Variants in ZSCAN30 observed in about 807,000 individuals in gnomAD.
The protein encoded by ZSCAN30 is zinc finger and SCAN domain containing 30.
A neutral mutation model predicts 44.3 loss-of-function variants in ZSCAN30; 37 were observed. That is an observed-to-expected ratio of 0.84 (90% CI 0.64 to 1.10). The LOEUF (loss-of-function observed/expected upper bound fraction) is 1.10. ZSCAN30 is among the 50% of genes least tolerant of loss of function. ZSCAN30 has a pLI of 0.00. For synonymous variants in ZSCAN30, 181 were observed against 204.6 expected, an observed-to-expected ratio of 0.88 and a Z score of 0.98; for missense variants, 549 against 582.6, an observed-to-expected ratio of 0.94 and a Z score of 0.59.
intron 1 of ZSCAN30, 71 bp from the exon 2 acceptor site, chr18:35,264,526 GC>G: frequency 3.0e-6 from 2 of 675,688 alleles, no homozygotes; most frequent in Non-Finnish European, 4.8e-6. Flanking sequence ...GGTTTTTGAA[GC>G]CCAGTTGCCA....
intron 1 of ZSCAN30, chr18:35,282,923 A>G (rs992409365): frequency 8.5e-5 from 13 of 152,246 alleles, no homozygotes; most frequent in Non-Finnish European, 1.5e-4. Flanking sequence ...CAACAGCATT[A>G]TAAGAGTGCC....
intron 1 of ZSCAN30, among the ~76,000 whole-genome samples, chr18:35,266,092 C>G (rs769559323): frequency 1.3e-5 from 2 of 152,158 alleles, no homozygotes; most frequent in African/African-American, 2.4e-5. Flanking sequence ...CAAAATCAGC[C>G]ATGAAACATG....
chr18:35,271,619 C>T (rs912868583), intron 1 of ZSCAN30, among the ~76,000 whole-genome samples: 3 of 152,370 alleles, frequency 2.0e-5, no homozygotes, highest in Middle Eastern at 3.4e-3. Context: ...GGGCCGTGGG[C>T]GTAGCTGCCT....
At chr18:35,263,236 C>T (rs1282690732) in intron 3 of ZSCAN30, 16 of 355,170 alleles carry the variant, frequency 4.5e-5, no homozygotes, top group Non-Finnish European at 7.2e-5. Flanking sequence ...AGAGTGAGAC[C>T]CCATCTAAAA....
chr18:35,272,227 A>G (rs977358526), intron 1 of ZSCAN30, among the ~76,000 whole-genome samples: 4 of 152,070 alleles, frequency 2.6e-5, no homozygotes, highest in Admixed American at 6.5e-5. Flanking sequence ...ACAAGCTTTC[A>G]CCATGTTAGC....
chr18:35,257,953 A>G (rs759354688), intron 3 of ZSCAN30: 5 of 780,982 alleles, frequency 6.4e-6, no homozygotes, highest in South Asian at 4.0e-5. Context: ...CACATCGTCA[A>G]TAAATCACCT....
chr18:35,264,462 GTGGACAATGC>G lies in ZSCAN30; in HGVS notation c.-103-17_-103-8del. On this transcript the variant is annotated splice_polypyrimidine_tract_variant and splice_region_variant and intron_variant, in intron 1 of 3. Transcript: ENST00000333206. Reference sequence around the variant, plus strand: ...CCAACTCCCCAGGACGCTCCTGAGGGTGGACAATGCTCATGTTACACAGGGAAAATAATGT... The same window carrying G: ...CCAACTCCCCAGGACGCTCCTGAGGGTCATGTTACACAGGGAAAATAATGT... 9.0e-7 allele frequency: 1 copy of G among 1,112,356 alleles called. No homozygotes were observed. The highest frequency in any genetic ancestry group is 1.3e-6 in the Non-Finnish European group (1 of 790,958). 68.9% of individuals were successfully genotyped at this position (1,112,356 alleles called of 1,614,324 possible).
chr18:35,280,275 CAAAAA>C (rs34002141), intron 1 of ZSCAN30, among the ~76,000 whole-genome samples: 3 of 122,400 alleles, frequency 2.5e-5, no homozygotes, highest in Admixed American at 8.1e-5. Flanking sequence ...TACTTTGTCT[CAAAAA>C]AAAAAAAAAA....
In ZSCAN30 at chr18:35,280,620, G is replaced by C. The variant is rs142334178; in HGVS notation, c.-104+9464C>G. On this transcript the variant is annotated intron_variant, in intron 1 of 3. Coordinates refer to ENST00000333206, the MANE Select transcript of ZSCAN30 (RefSeq NM_001112734.4). ...AACCTTGGGAACTGTGATTACACTG[G>C]CCATTATTTTCTTTTCTGAATCAGA... Among the ~76,000 whole-genome samples, 27 of 152,276 alleles carry C rather than the reference G, an allele frequency of 1.8e-4. No individual in the cohort carries two copies. The East Asian group carries it at 4.4e-3, about 25-fold the overall frequency.
chr18:35,264,205 T>G lies in ZSCAN30; in HGVS notation c.148A>C (p.Lys50Gln). Reference sequence around the variant, plus strand: ...TCAGAGTAACTAAACTGCCTGAACTTCTGCCGGAATACCTCTTGGCTCCAG... The same window carrying G: ...TCAGAGTAACTAAACTGCCTGAACTGCTGCCGGAATACCTCTTGGCTCCAG... Reference protein sequence around the residue: ...NPWSQEVFRQKFRQFSYSDST... With the variant: ...NPWSQEVFRQQFRQFSYSDST... The change falls in exon 2 of 4, where the codon AAG (lysine) becomes CAG (glutamine). Residue 50 changes from lysine to glutamine, a missense_variant. Transcript: ENST00000333206. 6.2e-7 allele frequency: 1 copy of G among 1,614,086 alleles called. No individual in the cohort carries two copies. The highest frequency in any genetic ancestry group is 8.5e-7 in the Non-Finnish European group (1 of 1,179,942).
intron 1 of ZSCAN30, among the ~76,000 whole-genome samples, chr18:35,265,500 G>A (rs1229334712): frequency 6.6e-6 from 1 of 152,196 alleles, no homozygotes; most frequent in Non-Finnish European, 1.5e-5. Context: ...TACAGTACTT[G>A]CTCTTTTTAT....
chr18:35,278,792 A>C (rs1243771669), intron 1 of ZSCAN30, among the ~76,000 whole-genome samples: 1 of 152,196 alleles, frequency 6.6e-6, no homozygotes, highest in East Asian at 1.9e-4. Context: ...CATTAGTTAC[A>C]AGTTCTACTT....
intron 1 of ZSCAN30, chr18:35,267,544 C>G (rs1383891662): frequency 6.6e-6 from 1 of 152,068 alleles, no homozygotes; most frequent in Non-Finnish European, 1.5e-5. Context: ...CGCACGCGCG[C>G]CGGAAGTGGG....
In ZSCAN30 at chr18:35,254,059, C is replaced by G. The variant is rs2043698822; in HGVS notation, c.876G>C (p.Gln292His). 1 of 1,614,056 alleles carries G rather than the reference C, an allele frequency of 6.2e-7. No homozygotes were observed. Among genetic ancestry groups the G allele is most frequent in the Non-Finnish European group, 8.5e-7 (1 of 1,180,026 alleles). The stretch of plus-strand genomic sequence containing the variant: ...AGAGCTTTTCCCTAGTGTCAACGCT[C>G]TGTTGTGTAATATCATTTGAATTCA... ...FSMNSNDITQ[Q>H]SVDTREKLYE... Residue 292 changes from glutamine to histidine, a missense_variant, in exon 4 of 4, where the codon CAG (glutamine) becomes CAC (histidine). Coordinates refer to ENST00000333206, the MANE Select transcript of ZSCAN30 (RefSeq NM_001112734.4).
At chr18:35,263,347 A>T (rs113939843) in intron 3 of ZSCAN30, 166 bp downstream of exon 3, 5 of 764,052 alleles carry the variant, frequency 6.5e-6, no homozygotes, top group African/African-American at 3.4e-5. Flanking sequence ...ATGATACTGG[A>T]ATTTCAGATT....
chr18:35,285,577 A>G (rs1240764004), intron 1 of ZSCAN30, among the ~76,000 whole-genome samples: 1 of 152,228 alleles, frequency 6.6e-6, no homozygotes, highest in East Asian at 1.9e-4. Flanking sequence ...ATTAAATTAG[A>G]AATAAATATC....
At chr18:35,280,993 C>A (rs534415541) in intron 1 of ZSCAN30, 5 of 152,270 alleles carry the variant, frequency 3.3e-5, no homozygotes, top group African/African-American at 9.6e-5. Flanking sequence ...ACATGTAGGT[C>A]TTTATGTTCA....
chr18:35,271,625 T>TG (rs1413237466), intron 1 of ZSCAN30, among the ~76,000 whole-genome samples: 3 of 152,266 alleles, frequency 2.0e-5, no homozygotes, highest in Non-Finnish European at 2.9e-5. Flanking sequence ...TGGGCGTAGC[T>TG]GCCTGCCAGT....
intron 1 of ZSCAN30, among the ~76,000 whole-genome samples, chr18:35,275,751 A>G (rs1340419149): frequency 6.6e-6 from 1 of 152,168 alleles, no homozygotes; most frequent in African/African-American, 2.4e-5. Flanking sequence ...AAGCAAATAA[A>G]CCATCCCTAA....
Sources: allele counts gnomAD v4.1 joint callset (sites outside exome capture counted in the v4.1 genomes callset), GRCh38; gene constraint gnomAD v4.1.1; transcripts MANE v1.5; gene names NCBI Gene and HGNC (gene_info 2026-07-23, HGNC 2026-07-21).